PDGFC: variants seen among roughly 807,000 people sequenced by gnomAD.
PDGFC encodes platelet-derived growth factor C.
In PDGFC, 12 loss-of-function variants were observed where a neutral mutation model predicts 35.5. That is an observed-to-expected ratio of 0.34 (90% CI 0.22 to 0.55). The LOEUF (loss-of-function observed/expected upper bound fraction) is 0.55, where lower values mean the gene tolerates loss of function less well. Ranked by LOEUF, PDGFC falls within the 20% of genes least tolerant of loss-of-function variation. The pLI, the probability that PDGFC is intolerant of heterozygous loss-of-function variation, is 0.91. For synonymous variants in PDGFC, 159 were observed against 148.8 expected (o/e 1.07, Z -0.50); for missense variants, 322 against 412.4 (o/e 0.78, Z 1.90).
chr4:156,945,074 C>T (rs1289253692), intron 1 of PDGFC, among the ~76,000 whole-genome samples: 1 of 151,826 alleles, frequency 6.6e-6, no homozygotes, highest in African/African-American at 2.4e-5. Context: ...CTCTAACCCC[C>T]AAAACACAGC....
chr4:156,805,948 T>C (rs1731744218), intron 3 of PDGFC, among the ~76,000 whole-genome samples: 1 of 152,038 alleles, frequency 6.6e-6, no homozygotes, highest in African/African-American at 2.4e-5. Flanking sequence ...CAGGGCATGC[T>C]GGCCAGTACG....
chr4:156,924,791 C>A (rs980213403), intron 1 of PDGFC, among the ~76,000 whole-genome samples: 1 of 152,246 alleles, frequency 6.6e-6, no homozygotes, highest in Non-Finnish European at 1.5e-5. Context: ...TAGTTATACA[C>A]CAAATACTAT....
chr4:156,901,545 T>A (rs1730784137), intron 1 of PDGFC, among the ~76,000 whole-genome samples: 1 of 152,088 alleles, frequency 6.6e-6, no homozygotes, highest in Non-Finnish European at 1.5e-5. Flanking sequence ...CTATTTCTTA[T>A]ATATTGGTAG....
chr4:156,884,651 A>G (rs1202918694), intron 1 of PDGFC, among the ~76,000 whole-genome samples: 2 of 152,230 alleles, frequency 1.3e-5, no homozygotes, highest in African/African-American at 4.8e-5. Context: ...TTATCTTTGA[A>G]CACATTTTAC....
At chr4:156,772,632 A>C in intron 4 of PDGFC, 54 bp downstream of exon 4, 1 of 1,141,288 alleles carries the variant, frequency 8.8e-7, no homozygotes, top group Non-Finnish European at 1.3e-6. Context: ...AAGAATCTGA[A>C]ACATTAGCTG....
intron 3 of PDGFC, among the ~76,000 whole-genome samples, chr4:156,800,532 C>T: frequency 6.6e-6 from 1 of 152,028 alleles, no homozygotes; most frequent in East Asian, 1.9e-4. Flanking sequence ...ATATTAACAG[C>T]ATTACTAAAA....
rs150765022 is a variant in PDGFC at position 156,872,422 on chromosome 4, C to A, written c.119-22006G>T. Among the ~76,000 whole-genome samples the A allele has an allele frequency of 8.2e-3, 1,252 of 152,232 alleles. 12 individuals are homozygous for A. Among genetic ancestry groups the A allele is most frequent in the African/African-American group, 0.028 (1,153 of 41,556 alleles). On this transcript the variant is annotated intron_variant, in intron 1 of 5. Transcript: ENST00000502773. ...ATTGGTGGTATTGCTTTGATGCACT[C>A]CAATTGGAACACACCATTGACTCAA... is the stretch of plus-strand genomic sequence containing the variant.
intron 1 of PDGFC, among the ~76,000 whole-genome samples, chr4:156,857,974 T>C (rs1487550688): frequency 1.3e-5 from 2 of 152,102 alleles, no homozygotes; most frequent in Non-Finnish European, 2.9e-5. Flanking sequence ...CTCAGTGTTG[T>C]GAATAAATAA....
intron 2 of PDGFC, among the ~76,000 whole-genome samples, chr4:156,833,706 T>C (rs1728998221): frequency 6.6e-6 from 1 of 152,248 alleles, no homozygotes; most frequent in South Asian, 2.1e-4. Flanking sequence ...TATAATAGCA[T>C]ATCTTAGAGC....
intron 1 of PDGFC, among the ~76,000 whole-genome samples, chr4:156,915,402 G>A (rs1731134569): frequency 6.6e-6 from 1 of 152,118 alleles, no homozygotes; most frequent in African/African-American, 2.4e-5. Context: ...AAGCTCATGT[G>A]TCTTTCTCTC....
chr4:156,934,280 T>C (rs1252717612), intron 1 of PDGFC, among the ~76,000 whole-genome samples: 1 of 152,208 alleles, frequency 6.6e-6, no homozygotes, highest in Admixed American at 6.5e-5. Context: ...CTGTCAAGCA[T>C]GTTATTGTAC....
At chr4:156,908,741 G>T (rs1730975145) in intron 1 of PDGFC, among the ~76,000 whole-genome samples, 1 of 152,036 alleles carries the variant, frequency 6.6e-6, no homozygotes, top group East Asian at 1.9e-4. Context: ...CTCTTAATAT[G>T]ACTTGTGCTT....
intron 1 of PDGFC, among the ~76,000 whole-genome samples, chr4:156,929,461 CAAAA>C (rs34830477): frequency 1.8e-5 from 2 of 112,742 alleles, no homozygotes; most frequent in African/African-American, 6.6e-5. Context: ...GCATTCGTAG[CAAAA>C]AAAAAAAAAG....
At chr4:156,778,103 C>CA in intron 3 of PDGFC, 1 of 227,644 alleles carries the variant, frequency 4.4e-6, no homozygotes, top group Non-Finnish European at 9.4e-6. Context: ...GACTCTGCCT[C>CA]AAAAAATAAA....
intron 3 of PDGFC, among the ~76,000 whole-genome samples, chr4:156,794,201 G>A (rs1453366792): frequency 6.6e-6 from 1 of 152,126 alleles, no homozygotes; most frequent in East Asian, 1.9e-4. Flanking sequence ...CACTGGGAAA[G>A]CTGAAGCAGC....
intron 3 of PDGFC, among the ~76,000 whole-genome samples, chr4:156,785,102 T>G (rs1731087136): frequency 6.6e-6 from 1 of 152,244 alleles, no homozygotes; most frequent in Non-Finnish European, 1.5e-5. Context: ...AGCTCAGGGA[T>G]ATGATTGCCA....
intron 3 of PDGFC, among the ~76,000 whole-genome samples, chr4:156,778,600 G>A (rs1730891838): frequency 6.6e-6 from 1 of 152,020 alleles, no homozygotes; most frequent in African/African-American, 2.4e-5. Flanking sequence ...TTAGAAAAAA[G>A]AAAAGCTGAC....
At chr4:156,788,323 G>C (rs968487216) in intron 3 of PDGFC, among the ~76,000 whole-genome samples, 3 of 152,174 alleles carry the variant, frequency 2.0e-5, no homozygotes, top group African/African-American at 7.2e-5. Context: ...AAGCTACCAA[G>C]ATCAACGGCA....
intron 4 of PDGFC, among the ~76,000 whole-genome samples, chr4:156,771,342 G>A (rs1394591176): frequency 2.6e-5 from 4 of 152,094 alleles, no homozygotes; most frequent in Admixed American, 2.0e-4. Context: ...AGATCAACAT[G>A]ATAATCAACT....
Sources: gnomAD v4.1 joint callset for allele counts (sites outside exome capture counted in the v4.1 genomes callset) on GRCh38, gnomAD v4.1.1 for gene constraint, MANE v1.5 for transcripts, NCBI Gene and HGNC (gene_info 2026-07-23, HGNC 2026-07-21) for gene names.